Variants in RBFOX1 observed in about 807,000 individuals in gnomAD.
RBFOX1 encodes RNA binding protein fox-1 homolog 1.
A neutral mutation model predicts 57.7 loss-of-function variants in RBFOX1; 8 were observed. The ratio of observed to expected loss-of-function variants is 0.14; its 90% confidence interval spans 0.08 to 0.25. The LOEUF (loss-of-function observed/expected upper bound fraction) is 0.25. Ranked by LOEUF, RBFOX1 falls within the 10% of genes least tolerant of loss-of-function variation. RBFOX1 has a pLI of 1.00. For synonymous variants in RBFOX1, 326 were observed against 222.4 expected (o/e 1.47, Z -4.15); for missense variants, 611 against 548.5 (o/e 1.11, Z -1.14).
intron 10 of RBFOX1, among the ~76,000 whole-genome samples, chr16:7,622,220 G>A (rs1431540196): frequency 6.6e-6 from 1 of 151,368 alleles, no homozygotes; most frequent in Non-Finnish European, 1.5e-5. Context: ...CGAGATCTGT[G>A]TCACCTCAGG....
At chr16:7,636,753 A>G (rs2061823416) in intron 11 of RBFOX1, among the ~76,000 whole-genome samples, 1 of 152,156 alleles carries the variant, frequency 6.6e-6, no homozygotes, top group Non-Finnish European at 1.5e-5. Context: ...GGGTGCCAAG[A>G]AAGTTAGGTT....
At chr16:5,977,325 C>T (rs572314608) in intron 4 of RBFOX1, among the ~76,000 whole-genome samples, 12 of 152,266 alleles carry the variant, frequency 7.9e-5, no homozygotes, top group Admixed American at 1.3e-4. Context: ...CCTGGGCTTT[C>T]ACAGGCCAGC....
intron 2 of RBFOX1, among the ~76,000 whole-genome samples, chr16:5,516,896 A>G (rs1381251427): frequency 2.0e-5 from 3 of 152,086 alleles, no homozygotes; most frequent in Non-Finnish European, 4.4e-5. Context: ...CAGAACTGTG[A>G]GTCAATTAAA....
At chr16:6,038,058 G>C (rs1030405991) in intron 1 of RBFOX1, 1 of 152,092 alleles carries the variant, frequency 6.6e-6, no homozygotes, top group Non-Finnish European at 1.5e-5. Context: ...CCATTCTACA[G>C]ATATCCCTAT....
At chr16:6,912,720 C>G (rs777761517) in intron 3 of RBFOX1, among the ~76,000 whole-genome samples, 3 of 151,810 alleles carry the variant, frequency 2.0e-5, no homozygotes, top group Non-Finnish European at 4.4e-5. Flanking sequence ...TGGGCTCAAG[C>G]AAGCCTACTA....
intron 3 of RBFOX1, among the ~76,000 whole-genome samples, chr16:6,978,839 C>T (rs190091646): frequency 6.6e-6 from 1 of 152,276 alleles, no homozygotes; most frequent in East Asian, 1.9e-4. Flanking sequence ...TGCCTTCAAT[C>T]CCCTTCGCGC....
intron 4 of RBFOX1, among the ~76,000 whole-genome samples, chr16:7,119,042 G>T (rs1191873465): frequency 1.3e-5 from 2 of 152,070 alleles, no homozygotes; most frequent in Non-Finnish European, 1.5e-5. Context: ...GTTACTTTTT[G>T]CAGGTGGGGC....
At chr16:6,125,916 A>G (rs2096586287) in intron 1 of RBFOX1, among the ~76,000 whole-genome samples, 1 of 152,192 alleles carries the variant, frequency 6.6e-6, no homozygotes, top group South Asian at 2.1e-4. Context: ...AGTGATTTCC[A>G]GTTAAATACC....
At chr16:5,579,933 T>TTG (rs2046605614) in intron 2 of RBFOX1, among the ~76,000 whole-genome samples, 1 of 151,692 alleles carries the variant, frequency 6.6e-6, no homozygotes, top group South Asian at 2.1e-4. Context: ...CTAATTTTTT[T>TTG]CTTTTTTTTG....
At chr16:5,394,246 A>T (rs556766057) in intron 1 of RBFOX1, among the ~76,000 whole-genome samples, 6 of 151,582 alleles carry the variant, frequency 4.0e-5, no homozygotes, top group Admixed American at 1.3e-4. Context: ...CTGATCTCAA[A>T]CTCCTGAACT....
At chr16:6,544,679 C>T (rs2096870549) in intron 2 of RBFOX1, among the ~76,000 whole-genome samples, 1 of 152,196 alleles carries the variant, frequency 6.6e-6, no homozygotes, top group South Asian at 2.1e-4. Flanking sequence ...GTATCCACCC[C>T]ATACTAACTG....
intron 4 of RBFOX1, among the ~76,000 whole-genome samples, chr16:5,935,093 T>G (rs1178308060): frequency 2.0e-5 from 3 of 152,206 alleles, no homozygotes; most frequent in African/African-American, 7.2e-5. Flanking sequence ...CAGCCAACTC[T>G]TTTACTGAAG....
At chr16:7,227,226 C>A (rs1365756736) in intron 4 of RBFOX1, among the ~76,000 whole-genome samples, 1 of 151,654 alleles carries the variant, frequency 6.6e-6, no homozygotes, top group Non-Finnish European at 1.5e-5. Flanking sequence ...GCAAAACATG[C>A]CATGTGCTCT....
intron 2 of RBFOX1, among the ~76,000 whole-genome samples, chr16:6,625,031 G>A (rs1348161540): frequency 6.6e-6 from 1 of 151,928 alleles, no homozygotes; most frequent in Non-Finnish European, 1.5e-5. Context: ...TGGGTGTGGT[G>A]TCGCAGGCTT....
intron 2 of RBFOX1, among the ~76,000 whole-genome samples, chr16:6,594,188 T>TC (rs1567809389): frequency 2.6e-5 from 4 of 152,186 alleles, no homozygotes; most frequent in Non-Finnish European, 5.9e-5. Context: ...AGTAAGAGTG[T>TC]GAAGTGCCCA....
chr16:6,790,213 C>T (rs567964186), intron 3 of RBFOX1, among the ~76,000 whole-genome samples: 1 of 76,970 alleles, frequency 1.3e-5, no homozygotes, highest in African/African-American at 5.8e-5. Context: ...ATGACAGACT[C>T]TCGCTCTGTC....
intron 4 of RBFOX1, among the ~76,000 whole-genome samples, chr16:7,136,398 C>T (rs1308618071): frequency 2.0e-4 from 28 of 142,784 alleles, no homozygotes; most frequent in African/African-American, 2.7e-5. Flanking sequence ...TCTCTATCAT[C>T]TTGGGATTTT....
intron 4 of RBFOX1, among the ~76,000 whole-genome samples, chr16:7,359,639 A>G (rs149944687): frequency 2.0e-5 from 3 of 152,186 alleles, no homozygotes; most frequent in Non-Finnish European, 4.4e-5. Flanking sequence ...CTTGCTGTCT[A>G]CAGCACGTCT....
intron 2 of RBFOX1, among the ~76,000 whole-genome samples, chr16:5,563,418 A>G (rs753845462): frequency 1.3e-4 from 20 of 152,212 alleles, no homozygotes; most frequent in Non-Finnish European, 1.5e-4. Flanking sequence ...CTGAACTACA[A>G]TGCTTAAACT....
Sources: gnomAD v4.1 joint callset for allele counts (sites outside exome capture counted in the v4.1 genomes callset) on GRCh38, gnomAD v4.1.1 for gene constraint, MANE v1.5 for transcripts, NCBI Gene and HGNC (gene_info 2026-07-23, HGNC 2026-07-21) for gene names.